Variants in MAMLD1 observed in about 807,000 individuals in gnomAD.
MAMLD1 encodes mastermind-like domain-containing protein 1.
In MAMLD1, 14 loss-of-function variants were observed where a neutral mutation model predicts 45.0. The observed-to-expected ratio is 0.31, with a 90% CI of 0.21 to 0.49. The LOEUF is 0.49. MAMLD1 is among the 20% of genes least tolerant of loss of function. The probability of loss-of-function intolerance (pLI) is 0.99; values close to 1 mark genes in which losing one functional copy is unlikely to be tolerated. For synonymous variants in MAMLD1, 254 were observed against 247.8 expected (o/e 1.02, Z -0.24); for missense variants, 543 against 603.6 (o/e 0.90, Z 1.05).
At chrX:150,414,599 T>G (rs1293406519) in intron 1 of MAMLD1, among the ~76,000 whole-genome samples, 1 of 111,348 alleles carries the variant, frequency 9.0e-6, no homozygotes, top group Non-Finnish European at 1.9e-5. Context: ...CAGAAGGTGA[T>G]GAGTTCTCTG....
intron 1 of MAMLD1, among the ~76,000 whole-genome samples, chrX:150,417,432 C>G (rs1446878238): frequency 9.4e-6 from 1 of 106,429 alleles, no homozygotes; most frequent in Non-Finnish European, 1.9e-5. Flanking sequence ...GGGTTGGTTC[C>G]AAGTCTTTGC....
At chrX:150,468,855 C>A (rs1557406110) in intron 3 of MAMLD1, among the ~76,000 whole-genome samples, 1 of 111,023 alleles carries the variant, frequency 9.0e-6, no homozygotes, top group Non-Finnish European at 1.9e-5. Flanking sequence ...TCGTTAAAGA[C>A]AAACAAGCAG....
At chrX:150,509,875 C>A in intron 6 of MAMLD1, 87 bp from the exon 7 acceptor site, 1 of 692,377 alleles carries the variant, frequency 1.4e-6, no homozygotes, top group Non-Finnish European at 2.4e-6. Flanking sequence ...GCACCAAAGC[C>A]AAGTCCTAGG....
intron 1 of MAMLD1, among the ~76,000 whole-genome samples, chrX:150,426,053 G>C (rs782496381): frequency 1.3e-4 from 15 of 111,411 alleles, no homozygotes; most frequent in African/African-American, 4.9e-4. Context: ...GGTCCTGCTT[G>C]TTGGGCTCCA....
Position 150,470,657 on chromosome X carries a change from C to T in MAMLD1, c.1084C>T (p.Pro362Ser), listed in dbSNP as rs1029291527. Residue 362 changes from proline to serine, a missense_variant, in exon 4 of 8, where the codon CCC becomes TCC. Transcript: ENST00000370401. ...PLPPPPPPFS[P>S]QSLMVSCMSS... Reference sequence around the variant, plus strand: ...GCCACCACCACCACCCCCATTCAGCCCCCAGAGCCTCATGGTGTCCTGCAT... The same window carrying T: ...GCCACCACCACCACCCCCATTCAGCTCCCAGAGCCTCATGGTGTCCTGCAT... 8.3e-7 allele frequency: 1 copy of T among 1,210,255 alleles called. No individual in the cohort carries two copies. Among genetic ancestry groups the T allele is most frequent in the Admixed American group, 2.2e-5 (1 of 45,885 alleles).
At chrX:150,423,380 GTGTGTT>G (rs1450869982) in intron 1 of MAMLD1, among the ~76,000 whole-genome samples, 16 of 107,441 alleles carry the variant, frequency 1.5e-4, no homozygotes, top group East Asian at 5.8e-4. Context: ...GTGTGTGTGT[GTGTGTT>G]TGCACCTTTG....
chrX:150,456,568 T>C (rs1339796453), intron 2 of MAMLD1, among the ~76,000 whole-genome samples: 2 of 111,636 alleles, frequency 1.8e-5, no homozygotes, highest in African/African-American at 3.3e-5. Context: ...TTATGTCATG[T>C]CATGAACATG....
intron 1 of MAMLD1, among the ~76,000 whole-genome samples, chrX:150,441,029 A>G (rs1287711313): frequency 9.5e-6 from 1 of 104,729 alleles, no homozygotes; most frequent in East Asian, 2.8e-4. Flanking sequence ...ATAATTTAAT[A>G]ATTAATAATA....
intron 1 of MAMLD1, among the ~76,000 whole-genome samples, chrX:150,394,665 A>C (rs2033345218): frequency 1.8e-5 from 2 of 110,958 alleles, no homozygotes. Context: ...ATTTTCTTAG[A>C]TTTATATGTA....
intron 1 of MAMLD1, among the ~76,000 whole-genome samples, chrX:150,379,999 G>A (rs2032523211): frequency 8.9e-6 from 1 of 112,298 alleles, no homozygotes; most frequent in Non-Finnish European, 1.9e-5. Context: ...CAGTACATAT[G>A]TATTTTCATA....
intron 1 of MAMLD1, among the ~76,000 whole-genome samples, chrX:150,444,340 G>T (rs1234559108): frequency 9.0e-6 from 1 of 111,600 alleles, no homozygotes. Context: ...CTCTTTCCTG[G>T]TCTTTTGGCT....
At chrX:150,455,937 G>A (rs782672628) in intron 2 of MAMLD1, among the ~76,000 whole-genome samples, 23 of 110,498 alleles carry the variant, frequency 2.1e-4, no homozygotes, top group Middle Eastern at 4.6e-3. Flanking sequence ...CTACCCTAAC[G>A]TATATCATAG....
intron 5 of MAMLD1, among the ~76,000 whole-genome samples, chrX:150,475,422 G>A (rs1463289119): frequency 8.9e-6 from 1 of 112,047 alleles, no homozygotes; most frequent in African/African-American, 3.2e-5. Context: ...AGACACAAAC[G>A]CTTGAGTAAG....
intron 5 of MAMLD1, among the ~76,000 whole-genome samples, chrX:150,483,838 T>C (rs1212253554): frequency 8.9e-6 from 1 of 112,764 alleles, no homozygotes; most frequent in Non-Finnish European, 1.9e-5. Context: ...CCATTTCACA[T>C]ACCACAGTGA....
chrX:150,398,314 GAAGAAGAAGAA>G (rs2033563470), intron 1 of MAMLD1, among the ~76,000 whole-genome samples: 4 of 99,128 alleles, frequency 4.0e-5, no homozygotes, highest in African/African-American at 1.5e-4. Flanking sequence ...AGAAGAAGAA[GAAGAAGAAGAA>G]GAAGAAGAAG....
chrX:150,486,443 G>C (rs1239419122), intron 5 of MAMLD1, among the ~76,000 whole-genome samples: 1 of 112,011 alleles, frequency 8.9e-6, no homozygotes, highest in African/African-American at 3.3e-5. Context: ...CTTGTGTGGA[G>C]CCAGGTTCCT....
At chrX:150,466,419 A>G (rs2036222513) in intron 3 of MAMLD1, among the ~76,000 whole-genome samples, 1 of 112,367 alleles carries the variant, frequency 8.9e-6, no homozygotes, top group Non-Finnish European at 1.9e-5. Context: ...ACTGAAGTCC[A>G]TTGAAAAATG....
intron 1 of MAMLD1, among the ~76,000 whole-genome samples, chrX:150,392,168 T>C (rs782433440): frequency 2.2e-3 from 243 of 112,301 alleles, no homozygotes; most frequent in South Asian, 0.01. Context: ...TGGGTCCATC[T>C]GATACCAAGT....
chrX:150,406,100 A>G (rs2033988036), intron 1 of MAMLD1, among the ~76,000 whole-genome samples: 1 of 111,602 alleles, frequency 9.0e-6, no homozygotes, highest in East Asian at 2.8e-4. Flanking sequence ...CTTTCGCATC[A>G]TGCTAAGAAC....
Sources: gnomAD v4.1 joint callset for allele counts (sites outside exome capture counted in the v4.1 genomes callset) on GRCh38, gnomAD v4.1.1 for gene constraint, MANE v1.5 for transcripts, NCBI Gene and HGNC (gene_info 2026-07-23, HGNC 2026-07-21) for gene names.